Variants in P3H3 observed in about 807,000 individuals in gnomAD.
P3H3 encodes the protein prolyl 3-hydroxylase 3, also known as gene rich cluster, B.
P3H3 carries 64 observed loss-of-function variants against 78.1 expected under a neutral mutation model. That is an observed-to-expected ratio of 0.82 (90% CI 0.67 to 1.01). P3H3 has a LOEUF of 1.01. P3H3 is among the 50% of genes least tolerant of loss of function. The pLI is 0.00. For missense variants in P3H3, 975 were observed against 982.2 expected (o/e 0.99, Z 0.10); for synonymous variants, 425 against 416.7 (o/e 1.02, Z -0.24).
Position 6,829,106 on chromosome 12 carries a change from C to A in P3H3, c.498+168C>A, listed in dbSNP as rs1471563231. 2.4e-6 allele frequency: 1 copy of A among 414,874 alleles called. No individual in the cohort carries two copies. Among genetic ancestry groups the A allele is most frequent in the South Asian group, 1.3e-4 (1 of 7,438 alleles). 25.7% of individuals were successfully genotyped at this position (414,874 alleles called of 1,614,324 possible). On this transcript the variant is annotated intron_variant, in intron 1 of 14. Coordinates refer to ENST00000290510, the MANE Select transcript of P3H3 (RefSeq NM_014262.5). This position sits in a 1 kb window ranked among gnomAD's most constrained non-coding sequence, Gnocchi z 5.1. The stretch of plus-strand genomic sequence containing the variant: ...GCTGGCTAAGCGACCGCGAGGACCT[C>A]TTGAGATCGCAGAGGAGCAGCCGAG...
intron 11 of P3H3, 61 bp from the exon 12 acceptor site, chr12:6,837,671 C>T (rs983400176): frequency 1.3e-6 from 2 of 1,585,054 alleles, no homozygotes; most frequent in African/African-American, 1.3e-5. Flanking sequence ...CGGCCTGAGC[C>T]CACAGGGTGG....
At position 6,839,470 on chromosome 12, in the gene P3H3, G is replaced by A. The variant is rs1555122793; in HGVS notation, c.*9G>A. On this transcript the variant is annotated 3_prime_UTR_variant, in exon 15 of 15. Transcript: ENST00000290510. ...TTCGGGAGGAGCTGTGAGTGGCTGAGCCAGCTCCTTGAGGATGTGGCCACT... is the reference window on the plus strand; with the variant it reads ...TTCGGGAGGAGCTGTGAGTGGCTGAACCAGCTCCTTGAGGATGTGGCCACT... The A allele has an allele frequency of 3.9e-6, 6 of 1,549,798 alleles. No individual in the cohort carries two copies. Among genetic ancestry groups the A allele is most frequent in the South Asian group, 1.2e-5 (1 of 84,018 alleles).
Position 6,829,397 on chromosome 12 carries a change from T to G in P3H3, c.498+459T>G. 4.3e-6 allele frequency: 1 copy of G among 232,864 alleles called. No individual in the cohort carries two copies. Among genetic ancestry groups the G allele is most frequent in the Non-Finnish European group, 8.3e-6 (1 of 120,058 alleles). The allele number at this position is 232,864 out of a possible 1,614,324, so 14.4% of individuals were successfully genotyped here. ...TTGGGGTCCTCCGAGGCCAGACCTC[T>G]GCGGGCGGGGAGGGGACAGCACGCC... On this transcript the variant is annotated intron_variant, in intron 1 of 14. Coordinates refer to ENST00000290510, the MANE Select transcript of P3H3 (RefSeq NM_014262.5). This position sits in a 1 kb window ranked among gnomAD's most constrained non-coding sequence, Gnocchi z 5.1.
At position 6,831,859 on chromosome 12, in the gene P3H3, A is replaced by T. The variant is rs1943453728; in HGVS notation, c.1157A>T (p.Glu386Val). 2 of 1,608,648 alleles carry T rather than the reference A, an allele frequency of 1.2e-6. No homozygotes were observed. Among genetic ancestry groups the T allele is most frequent in the Non-Finnish European group, 1.7e-6 (2 of 1,176,994 alleles). ...CGCTTCATCCTCCGATCCCTGGGGG[A>T]GAAGAGGCAGCTCTACTATGCCATG... The part of the protein sequence containing the change: ...IQRFILRSLG[E>V]KRQLYYAMEH... The change falls in exon 6 of 15, where the codon GAG becomes GTG. Residue 386 changes from glutamate to valine, a missense_variant. Coordinates refer to ENST00000290510, the MANE Select transcript of P3H3 (RefSeq NM_014262.5). The surrounding 1 kb of genome is among the most constrained non-coding windows in gnomAD (Gnocchi z 4.6).
rs781811454 is a variant in P3H3 at position 6,829,970 on chromosome 12, C to T, written c.610C>T (p.Arg204Trp). Residue 204 changes from arginine (R) to tryptophan (W), a missense_variant, in exon 2 of 15, where the codon CGG becomes TGG. By Grantham distance (101) the Arg-to-Trp change is moderately radical. Transcript: ENST00000290510. The surrounding 1 kb of genome is among the most constrained non-coding windows in gnomAD (Gnocchi z 5.1). Reference protein sequence around the residue: ...MAKYRRMSGVRPQSFRDLETP... With the variant: ...MAKYRRMSGVWPQSFRDLETP... ...TAAGTACAGACGAATGTCGGGAGTTCGGCCCCAGAGCTTCCGGGACCTGGA... is the reference window on the plus strand; with the variant it reads ...TAAGTACAGACGAATGTCGGGAGTTTGGCCCCAGAGCTTCCGGGACCTGGA... 6.2e-7 allele frequency: 1 copy of T among 1,613,890 alleles called. No homozygotes were observed. Among genetic ancestry groups the T allele is most frequent in the Admixed American group, 1.7e-5 (1 of 60,010 alleles).
At position 6,831,363 on chromosome 12, in the gene P3H3, C is replaced by A. The variant is rs781787296; in HGVS notation, c.1122+11C>A. On this transcript the variant is annotated intron_variant, in intron 5 of 14. Coordinates refer to ENST00000290510, the MANE Select transcript of P3H3 (RefSeq NM_014262.5). This position sits in a 1 kb window ranked among gnomAD's most constrained non-coding sequence, Gnocchi z 4.6. ...CTCGGACCCAGAGAGGTAATCCCCT[C>A]TCCACGCTCACCTGGGAGGTAGCCC... is the stretch of plus-strand genomic sequence containing the variant. The A allele has an allele frequency of 1.2e-6, 2 of 1,613,474 alleles. No homozygotes were observed. Among genetic ancestry groups the A allele is most frequent in the Non-Finnish European group, 1.7e-6 (2 of 1,179,844 alleles).
Position 6,837,978 on chromosome 12 carries a change from A to G in P3H3, c.1850A>G (p.Asp617Gly). 4 of 1,608,612 alleles carry G rather than the reference A, an allele frequency of 2.5e-6. No individual in the cohort carries two copies. Among genetic ancestry groups the G allele is most frequent in the Non-Finnish European group, 3.4e-6 (4 of 1,177,408 alleles). ...CCCAGCGGACTCCTCTACCTCAACG[A>G]TGACTTCCAGGGTGGGGACCTGTTC... ...RDYSGLLYLN[D>G]DFQGGDLFFT... Residue 617 changes from aspartate to glycine, a missense_variant, in exon 13 of 15, where the codon GAT (aspartate) becomes GGT (glycine). Asp to Gly is a moderately conservative substitution (Grantham distance 94). Transcript: ENST00000290510.
rs1475651487 is a variant in P3H3, at chr12:6,839,805, C to G, written c.*344C>G. ...TGGGGTTGGGAGGTATAACCCTGCTCCTCTCTCCCAGTCTGTGCAATAAAG... is the reference window on the plus strand; with the variant it reads ...TGGGGTTGGGAGGTATAACCCTGCTGCTCTCTCCCAGTCTGTGCAATAAAG... On this transcript the variant is annotated 3_prime_UTR_variant, in exon 15 of 15. Coordinates refer to ENST00000290510, the MANE Select transcript of P3H3 (RefSeq NM_014262.5). 1 of 273,512 alleles carries G rather than the reference C, an allele frequency of 3.7e-6. No individual in the cohort carries two copies. The highest frequency in any genetic ancestry group is 6.5e-5 in the East Asian group (1 of 15,316). The allele number at this position is 273,512 out of a possible 1,614,324, so 16.9% of individuals were successfully genotyped here.
intron 9 of P3H3, among the ~76,000 whole-genome samples, chr12:6,836,055 G>A (rs368024130): frequency 9.9e-5 from 15 of 152,014 alleles, no homozygotes; most frequent in Admixed American, 5.2e-4. Flanking sequence ...GTAAAACCCC[G>A]TCTCTACAAA....
At position 6,831,954 on chromosome 12, in the gene P3H3, T is replaced by G; in HGVS notation, c.1212+40T>G. 8.6e-7 allele frequency: 1 copy of G among 1,157,298 alleles called. No individual in the cohort carries two copies. Among genetic ancestry groups the G allele is most frequent in the East Asian group, 2.4e-5 (1 of 41,066 alleles). 71.7% of individuals were successfully genotyped at this position (1,157,298 alleles called of 1,614,324 possible). A position where few individuals can be genotyped will look rare whatever the true frequency, so the allele number is the denominator to read the frequency against. ...TTCTGCCCATCTCACCCCTCCGCACTCCCAGGAGGGATGGCACTTTGGTTT... is the reference window on the plus strand; with the variant it reads ...TTCTGCCCATCTCACCCCTCCGCACGCCCAGGAGGGATGGCACTTTGGTTT... On this transcript the variant is annotated intron_variant, in intron 6 of 14. Transcript: ENST00000290510. The surrounding 1 kb of genome is among the most constrained non-coding windows in gnomAD (Gnocchi z 4.6).
At chr12:6,838,497 C>T (rs781874220) in intron 13 of P3H3, among the ~76,000 whole-genome samples, 2 of 152,092 alleles carry the variant, frequency 1.3e-5, no homozygotes, top group South Asian at 2.1e-4. Flanking sequence ...AGGTAATGTA[C>T]CTAAAAGAAT....
intron 12 of P3H3, 30 bp from the exon 13 acceptor site, chr12:6,837,928 T>C (rs1555122470): frequency 6.3e-7 from 1 of 1,594,372 alleles, no homozygotes; most frequent in Admixed American, 1.7e-5. Context: ...GGTTGGGGTC[T>C]CACTGCCTCT....
Position 6,830,457 on chromosome 12 carries a change from C to G in P3H3, c.756C>G (p.Ser252Arg). The G allele has an allele frequency of 6.3e-7, 1 of 1,587,202 alleles. No homozygotes were observed. The highest frequency in any genetic ancestry group is 8.6e-7 in the Non-Finnish European group (1 of 1,167,892). Residue 252 changes from serine (S) to arginine (R), a missense_variant, in exon 3 of 15, where the codon AGC becomes AGG. Transcript: ENST00000290510. The stretch of plus-strand genomic sequence containing the variant: ...AGGGGAGCCTGGCCCAGATGGAGAG[C>G]TGCCGTGCTGACTGTGAGGGGCCTG... ...ALQGSLAQME[S>R]CRADCEGPEE... is the part of the protein sequence containing the mutation.
At chr12:6,834,124 G>A in intron 9 of P3H3, 75 bp downstream of exon 9, 1 of 1,589,332 alleles carries the variant, frequency 6.3e-7, no homozygotes, top group Admixed American at 1.7e-5. Context: ...CTCTTGGCCT[G>A]CCCCCTTCAT....
In P3H3 at chr12:6,831,190, C is replaced by G. The variant is rs1943447467; in HGVS notation, c.986-26C>G. ...GTGCTCTAAGTATTCATCCCCCAAC[C>G]CCTGACCTTGTCGCTCCCTCTCCAG... On this transcript the variant is annotated intron_variant, in intron 4 of 14. Transcript: ENST00000290510. This position sits in a 1 kb window ranked among gnomAD's most constrained non-coding sequence, Gnocchi z 4.6. The G allele has an allele frequency of 6.2e-7, 1 of 1,613,654 alleles. No homozygotes were observed. Among genetic ancestry groups the G allele is most frequent in the Non-Finnish European group, 8.5e-7 (1 of 1,179,710 alleles).
chr12:6,828,655 G>A lies in P3H3; in HGVS notation c.215G>A (p.Arg72Gln). The change falls in exon 1 of 15, where the codon CGG becomes CAG. Residue 72 changes from arginine (R) to glutamine (Q), a missense_variant. Coordinates refer to ENST00000290510, the MANE Select transcript of P3H3 (RefSeq NM_014262.5). ...EALRSQAALGRVRLDCGASCA... is the reference protein window; with the variant it reads ...EALRSQAALGQVRLDCGASCA... ...CTGCGGAGCCAGGCGGCGCTGGGCC[G>A]GGTGCGGCTGGATTGCGGGGCGAGC... 1.6e-6 allele frequency: 2 copies of A among 1,228,220 alleles called. No homozygotes were observed. The highest frequency in any genetic ancestry group is 2.0e-6 in the Non-Finnish European group (2 of 985,346). 76.1% of individuals were successfully genotyped at this position (1,228,220 alleles called of 1,614,324 possible).
In P3H3 at chr12:6,839,181, G is replaced by A. The variant is rs374672216; in HGVS notation, c.2046+41G>A. The A allele has an allele frequency of 1.8e-4, 289 of 1,578,284 alleles. 1 individual carries two copies. The African/African-American group carries it at 2.6e-3, about 14-fold the overall frequency. Reference sequence around the variant, plus strand: ...GGAAGGGATGTGGTTCTCCTGGTGCGTGAAGGGTGGGCAAGGAGCCCCCGA... The same window carrying A: ...GGAAGGGATGTGGTTCTCCTGGTGCATGAAGGGTGGGCAAGGAGCCCCCGA... On this transcript the variant is annotated intron_variant, in intron 14 of 14. Coordinates refer to ENST00000290510, the MANE Select transcript of P3H3 (RefSeq NM_014262.5).
rs1943418162 is a variant in P3H3 at position 6,829,007 on chromosome 12, C to T, written c.498+69C>T. ...ACGACGCTGTCCTACTTTGCGTTGC[C>T]CAGGAGTAGGCGGAATGCTGTTGCC... On this transcript the variant is annotated intron_variant, in intron 1 of 14. Transcript: ENST00000290510. This position sits in a 1 kb window ranked among gnomAD's most constrained non-coding sequence, Gnocchi z 5.1. 1.1e-6 allele frequency: 1 copy of T among 946,680 alleles called. No homozygotes were observed. The highest frequency in any genetic ancestry group is 5.3e-5 in the South Asian group (1 of 18,886). 58.6% of individuals were successfully genotyped at this position (946,680 alleles called of 1,614,324 possible).
At position 6,834,014 on chromosome 12, in the gene P3H3, C is replaced by G; in HGVS notation, c.1423C>G (p.Pro475Ala). The part of the protein sequence containing the change: ...ERAVLDGLLT[P>A]AECGVLLQLA... Reference sequence around the variant, plus strand: ...GGCGGTGTTGGATGGGCTGCTCACCCCAGCCGAGTGTGGGGTGCTGCTGCA... The same window carrying G: ...GGCGGTGTTGGATGGGCTGCTCACCGCAGCCGAGTGTGGGGTGCTGCTGCA... Residue 475 changes from proline to alanine, a missense_variant, in exon 9 of 15, where the codon CCA (proline) becomes GCA (alanine). Transcript: ENST00000290510. 6.2e-7 allele frequency: 1 copy of G among 1,613,766 alleles called. No individual in the cohort carries two copies. The highest frequency in any genetic ancestry group is 8.5e-7 in the Non-Finnish European group (1 of 1,179,872).
Sources: allele counts gnomAD v4.1 joint callset (sites outside exome capture counted in the v4.1 genomes callset), GRCh38; gene constraint gnomAD v4.1.1; non-coding constraint Gnocchi (gnomAD v3.1); transcripts MANE v1.5; gene names NCBI Gene and HGNC (gene_info 2026-07-23, HGNC 2026-07-21).